Variants in ZEB1 observed in about 807,000 individuals in gnomAD.
The protein encoded by ZEB1 is zinc finger E-box binding homeobox 1.
A neutral mutation model predicts 84.9 loss-of-function variants in ZEB1; 21 were observed. That is an observed-to-expected ratio of 0.25 (90% CI 0.18 to 0.36). ZEB1 has a LOEUF of 0.36. Among genes scored for constraint, ZEB1 ranks in the 10% least tolerant of loss-of-function variants. ZEB1 has a pLI of 1.00. For missense variants in ZEB1, 1,104 were observed against 1,330.2 expected (o/e 0.83, Z 2.65); for synonymous variants, 420 against 471.1 (o/e 0.89, Z 1.41).
intron 1 of ZEB1, among the ~76,000 whole-genome samples, chr10:31,335,835 A>G (rs894769107): frequency 1.3e-5 from 2 of 152,196 alleles, no homozygotes; most frequent in African/African-American, 4.8e-5. Context: ...TGCAGATTAT[A>G]TGATTATCTG....
chr10:31,384,016 C>T (rs984793150), intron 1 of ZEB1, among the ~76,000 whole-genome samples: 1 of 135,770 alleles, frequency 7.4e-6, no homozygotes, highest in East Asian at 2.2e-4. Flanking sequence ...CTCTGTCGCC[C>T]AGACTGGAGT....
At chr10:31,477,887 G>GT (rs2064463329) in intron 2 of ZEB1, among the ~76,000 whole-genome samples, 2 of 151,858 alleles carry the variant, frequency 1.3e-5, no homozygotes, top group African/African-American at 4.8e-5. Flanking sequence ...ACCCATAAAT[G>GT]TAAGATGTGA....
At position 31,510,846 on chromosome 10, in the gene ZEB1, A is replaced by C; in HGVS notation, c.658A>C (p.Met220Leu). The change falls in exon 5 of 9, where the codon ATG (methionine) becomes CTG (leucine). Residue 220 changes from methionine (M) to leucine (L), a missense_variant. Coordinates refer to ENST00000424869, the MANE Select transcript of ZEB1 (RefSeq NM_001174096.2). ...FAYRTQLERH[M>L]TSHKSGRDQR... ...ATACAGAACCCAACTTGAACGTCACATGACATCACATAAATCAGGAAGAGA... is the reference window on the plus strand; with the variant it reads ...ATACAGAACCCAACTTGAACGTCACCTGACATCACATAAATCAGGAAGAGA... 6.2e-7 allele frequency: 1 copy of C among 1,613,912 alleles called. No homozygotes were observed. Among genetic ancestry groups the C allele is most frequent in the Non-Finnish European group, 8.5e-7 (1 of 1,179,874 alleles).
At chr10:31,360,512 T>C (rs1301864381) in intron 1 of ZEB1, among the ~76,000 whole-genome samples, 1 of 152,208 alleles carries the variant, frequency 6.6e-6, no homozygotes, top group Non-Finnish European at 1.5e-5. Flanking sequence ...GTTTAAAGGG[T>C]CAGTATCCCT....
chr10:31,518,503 G>T (rs1429802548), intron 6 of ZEB1, among the ~76,000 whole-genome samples: 2 of 152,132 alleles, frequency 1.3e-5, no homozygotes, highest in African/African-American at 4.8e-5. Context: ...CTGTCTCTTA[G>T]TAGAATTGCC....
intron 2 of ZEB1, among the ~76,000 whole-genome samples, chr10:31,466,050 A>G (rs986079951): frequency 9.9e-5 from 15 of 152,252 alleles, no homozygotes; most frequent in Admixed American, 3.9e-4. Flanking sequence ...TCATTGTATA[A>G]TGATAAAGAG....
At chr10:31,340,213 T>C (rs1011105828) in intron 1 of ZEB1, among the ~76,000 whole-genome samples, 1 of 152,214 alleles carries the variant, frequency 6.6e-6, no homozygotes, top group African/African-American at 2.4e-5. Flanking sequence ...TTGCATTGTT[T>C]GTGGCATCAA....
At chr10:31,426,967 A>T (rs77108672) in intron 1 of ZEB1, among the ~76,000 whole-genome samples, 2 of 151,758 alleles carry the variant, frequency 1.3e-5, no homozygotes, top group Non-Finnish European at 2.9e-5. Flanking sequence ...TTGTAGGAAA[A>T]AATTTCTTCT....
chr10:31,362,030 G>A (rs28417321), intron 1 of ZEB1, among the ~76,000 whole-genome samples: 7 of 108,688 alleles, frequency 6.4e-5, no homozygotes, highest in Non-Finnish European at 9.7e-5. Flanking sequence ...TCCTCGCTTC[G>A]CAGACGGGGC....
chr10:31,402,269 T>A (rs2135509978), intron 1 of ZEB1, among the ~76,000 whole-genome samples: 1 of 152,256 alleles, frequency 6.6e-6, no homozygotes, highest in African/African-American at 2.4e-5. Flanking sequence ...AGGGTTTTGT[T>A]AGCAGTACTA....
chr10:31,451,253 A>C (rs921813947), intron 1 of ZEB1, among the ~76,000 whole-genome samples: 1 of 152,160 alleles, frequency 6.6e-6, no homozygotes, highest in African/African-American at 2.4e-5. Flanking sequence ...TTAAAAAGTA[A>C]GTTTCCTAAA....
intron 1 of ZEB1, among the ~76,000 whole-genome samples, chr10:31,456,737 A>G (rs183895884): frequency 6.6e-6 from 1 of 152,256 alleles, no homozygotes; most frequent in East Asian, 1.9e-4. Flanking sequence ...AGAGGGATAT[A>G]TAATAATACC....
chr10:31,349,152 A>G (rs989210327), intron 1 of ZEB1, among the ~76,000 whole-genome samples: 1 of 152,168 alleles, frequency 6.6e-6, no homozygotes, highest in African/African-American at 2.4e-5. Context: ...GATTCCACGT[A>G]TAAGTGAGAT....
chr10:31,369,514 T>G (rs1162263312), intron 1 of ZEB1, among the ~76,000 whole-genome samples: 1 of 152,258 alleles, frequency 6.6e-6, no homozygotes, highest in African/African-American at 2.4e-5. Flanking sequence ...GATTCATCCA[T>G]GTTGTTGCAA....
chr10:31,375,895 G>A (rs1397679992), intron 1 of ZEB1, among the ~76,000 whole-genome samples: 1 of 151,648 alleles, frequency 6.6e-6, no homozygotes, highest in Non-Finnish European at 1.5e-5. Flanking sequence ...TAAGAATTTG[G>A]CAGAAGTTAT....
chr10:31,357,582 C>T (rs1410981198), intron 1 of ZEB1, among the ~76,000 whole-genome samples: 1 of 152,080 alleles, frequency 6.6e-6, no homozygotes, highest in Non-Finnish European at 1.5e-5. Context: ...AATACACAAT[C>T]ACTGTAGGAA....
chr10:31,505,921 A>G (rs1191280663), intron 4 of ZEB1, among the ~76,000 whole-genome samples: 1 of 151,732 alleles, frequency 6.6e-6, no homozygotes, highest in African/African-American at 2.4e-5. Context: ...GCTATATTTC[A>G]TAGGTTTTGA....
At chr10:31,321,897 C>T (rs765939336) in intron 1 of ZEB1, 3 of 267,148 alleles carry the variant, frequency 1.1e-5, no homozygotes, top group Non-Finnish European at 2.2e-5. Flanking sequence ...TGTATGTCAG[C>T]CCCCTCCTGT....
chr10:31,467,318 G>A (rs887302294), intron 2 of ZEB1, among the ~76,000 whole-genome samples: 5 of 152,148 alleles, frequency 3.3e-5, no homozygotes, highest in Non-Finnish European at 7.4e-5. Flanking sequence ...GCAGCAAAAC[G>A]TGACTCTGGG....
Sources: allele counts gnomAD v4.1 joint callset (sites outside exome capture counted in the v4.1 genomes callset), GRCh38; gene constraint gnomAD v4.1.1; transcripts MANE v1.5; gene names NCBI Gene and HGNC (gene_info 2026-07-23, HGNC 2026-07-21).